Variants in OGA observed in about 807,000 individuals in gnomAD.
OGA encodes the protein O-GlcNAcase, also known as protein O-GlcNAcase.
In OGA, 21 loss-of-function variants were observed where a neutral mutation model predicts 102.0. The ratio of observed to expected loss-of-function variants is 0.21; its 90% CI spans 0.15 to 0.30. The LOEUF is 0.30. Among genes scored for constraint, OGA ranks in the 10% least tolerant of loss-of-function variants. The pLI is 1.00. For missense variants in OGA, 765 were observed against 1,107.8 expected (o/e 0.69, Z 4.39); for synonymous variants, 408 against 378.2 (o/e 1.08, Z -0.91).
In OGA at chr10:101,807,912, A is replaced by G. The variant is rs761401912; in HGVS notation, c.481-11T>C. 7 of 1,466,256 alleles carry G rather than the reference A, an allele frequency of 4.8e-6. No homozygotes were observed. The highest frequency in any genetic ancestry group is 6.3e-6 in the Non-Finnish European group (7 of 1,103,874). The allele number at this position is 1,466,256 out of a possible 1,614,324, so 90.8% of individuals were successfully genotyped here. On this transcript the variant is annotated splice_polypyrimidine_tract_variant and intron_variant, in intron 4 of 15. Coordinates refer to ENST00000361464, the MANE Select transcript of OGA (RefSeq NM_012215.5). ...CCCAAACTGAGAAACCTAGGAGAAAAAAAAAAAAAAGAATCAAGAGTAAAA... is the reference window on the plus strand; with the variant it reads ...CCCAAACTGAGAAACCTAGGAGAAAGAAAAAAAAAAGAATCAAGAGTAAAA...
intron 5 of OGA, 66 bp from the exon 6 acceptor site, chr10:101,806,209 T>C (rs1051611993): frequency 8.7e-6 from 9 of 1,031,580 alleles, no homozygotes; most frequent in African/African-American, 3.2e-5. Flanking sequence ...CTTTGTTTGT[T>C]TGTTTTCTTT....
intron 2 of OGA, 99 bp from the exon 3 acceptor site, chr10:101,813,226 G>T: frequency 1.2e-6 from 1 of 805,892 alleles, no homozygotes; most frequent in Non-Finnish European, 2.1e-6. Context: ...CTCATACAAA[G>T]CTAATATTCT....
At chr10:101,790,589 T>C (rs926009066) in intron 14 of OGA, among the ~76,000 whole-genome samples, 2 of 152,202 alleles carry the variant, frequency 1.3e-5, no homozygotes, top group African/African-American at 4.8e-5. Context: ...GACCATAACA[T>C]CTTTAAGTAT....
In OGA at chr10:101,792,602, A is replaced by G. The variant is rs539538034; in HGVS notation, c.2175+237T>C. ...ACACATTAACTATTTTGTAACTCCA[A>G]CTCTGAATACATTTCATCTGACTTT... is the stretch of plus-strand genomic sequence containing the variant. On this transcript the variant is annotated intron_variant, in intron 12 of 15. Transcript: ENST00000361464. 96 of 426,452 alleles carry G rather than the reference A, an allele frequency of 2.3e-4. 2 individuals are homozygous for G. In the South Asian group the frequency reaches 4.1e-3, roughly 18 times the overall value. The allele number at this position is 426,452 out of a possible 1,614,324, so 26.4% of individuals were successfully genotyped here. A position where few individuals can be genotyped will look rare whatever the true frequency, so the allele number is the denominator to read the frequency against.
At chr10:101,794,438 A>G (rs1315849676) in intron 10 of OGA, among the ~76,000 whole-genome samples, 2 of 152,228 alleles carry the variant, frequency 1.3e-5, no homozygotes, top group African/African-American at 2.4e-5. Context: ...GGAAGGGTAC[A>G]GGTAAGGGAA....
rs1183375984 is a variant in OGA at position 101,792,556 on chromosome 10, T to C, written c.2175+283A>G. ...ACCAATATATTAGAGATAATTAGTC[T>C]AAGGACAACACATCATTTAGACACA... On this transcript the variant is annotated intron_variant, in intron 12 of 15. Transcript: ENST00000361464. The C allele has an allele frequency of 1.4e-5, 4 of 289,822 alleles. No homozygotes were observed. In the East Asian group the frequency reaches 2.6e-4, roughly 19 times the overall value. The allele number at this position is 289,822 out of a possible 1,614,324, so 18.0% of individuals were successfully genotyped here.
intron 7 of OGA, among the ~76,000 whole-genome samples, chr10:101,802,975 C>CT (rs1242092427): frequency 2.5e-4 from 27 of 106,590 alleles, no homozygotes; most frequent in Admixed American, 8.0e-4. Context: ...CCTGTCTCTA[C>CT]TTTAAAAAAA....
chr10:101,800,503 G>C (rs922243156), intron 7 of OGA, 103 bp from the exon 8 acceptor site: 1 of 841,464 alleles, frequency 1.2e-6, no homozygotes, highest in Non-Finnish European at 1.8e-6. Flanking sequence ...TATAACCACA[G>C]AAACAAAGAA....
At chr10:101,807,182 AG>A (rs34724867) in intron 5 of OGA, among the ~76,000 whole-genome samples, 1 of 152,216 alleles carries the variant, frequency 6.6e-6, no homozygotes, top group Non-Finnish European at 1.5e-5. Context: ...TTCCTGAACA[AG>A]GAAGTGTGGG....
rs780367936 is a variant in OGA at position 101,791,433 on chromosome 10, C to T, written c.2182G>A (p.Val728Met). ...TACATTTCTCTGCAAATCTTGTACA[C>T]GGATGCCTGAAAATATAATCTAGTT... ...RPYFPKDEAS[V>M]YKICREMYDD... is the part of the protein sequence containing the mutation. Residue 728 changes from valine (V) to methionine (M), a missense_variant, in exon 13 of 16, where the codon GTG (valine) becomes ATG (methionine). This residue lies in a region of OGA where 146 missense variants were observed against 269.7 expected (regional missense o/e 0.54). Coordinates refer to ENST00000361464, the MANE Select transcript of OGA (RefSeq NM_012215.5). 7 of 1,613,224 alleles carry T rather than the reference C, an allele frequency of 4.3e-6. No individual in the cohort carries two copies. The highest frequency in any genetic ancestry group is 5.9e-6 in the Non-Finnish European group (7 of 1,179,462).
At chr10:101,816,774 C>G (rs1314330316) in intron 1 of OGA, among the ~76,000 whole-genome samples, 2 of 152,068 alleles carry the variant, frequency 1.3e-5, no homozygotes, top group Admixed American at 1.3e-4. Context: ...ACCATAACCA[C>G]CACCCATTTT....
chr10:101,786,913 G>A (rs1341598559), intron 15 of OGA, among the ~76,000 whole-genome samples: 3 of 152,162 alleles, frequency 2.0e-5, no homozygotes, highest in Admixed American at 2.0e-4. Flanking sequence ...GATTACAGGC[G>A]CCTGCCACCA....
chr10:101,786,749 CAAT>C lies in OGA; in HGVS notation c.2615-165_2615-163del, dbSNP rs533060536. 2.0e-3 allele frequency among the ~76,000 whole-genome samples: 309 copies of C among 152,364 alleles called. 4 individuals are homozygous for C. Among genetic ancestry groups the C allele is most frequent in the African/African-American group, 7.2e-3 (298 of 41,580 alleles). ...TAAAAAAATTCATATTCAAAAAATTCAATAATGAGTGGCGTGAGCCACTGCACC... is the reference window on the plus strand; with the variant it reads ...TAAAAAAATTCATATTCAAAAAATTCAATGAGTGGCGTGAGCCACTGCACC... On this transcript the variant is annotated intron_variant, in intron 15 of 15. Transcript: ENST00000361464.
intron 3 of OGA, among the ~76,000 whole-genome samples, chr10:101,811,983 TA>T (rs2065564587): frequency 6.6e-6 from 1 of 152,196 alleles, no homozygotes; most frequent in South Asian, 2.1e-4. Context: ...CACACTTAAA[TA>T]GAGTAGTAAA....
Position 101,792,914 on chromosome 10 carries a change from ATCATTTGC to A in OGA, c.2092_2099del (p.Ala698SerfsTer23). On this transcript the variant is annotated frameshift_variant, in exon 12 of 16. Transcript: ENST00000361464. LOFTEE classifies it high-confidence loss of function. Reference sequence around the variant, plus strand: ...TCAGTGGAGGTGGCTGAAAAAAGAGATCATTTGCCCCATCAATTGGCAGCAAACGCTGT... The same window carrying A: ...TCAGTGGAGGTGGCTGAAAAAAGAGACCCATCAATTGGCAGCAAACGCTGT... The A allele has an allele frequency of 6.2e-7, 1 of 1,613,902 alleles. No individual in the cohort carries two copies. The highest frequency in any genetic ancestry group is 8.5e-7 in the Non-Finnish European group (1 of 1,179,788).
intron 4 of OGA, 136 bp downstream of exon 4, chr10:101,810,048 A>G (rs1370840813): frequency 2.0e-6 from 2 of 993,832 alleles, no homozygotes; most frequent in African/African-American, 3.3e-5. Flanking sequence ...TCTGTCTCAA[A>G]AAACAAAACA....
chr10:101,809,066 G>A (rs1257013638), intron 4 of OGA, among the ~76,000 whole-genome samples: 1 of 152,104 alleles, frequency 6.6e-6, no homozygotes, highest in Non-Finnish European at 1.5e-5. Flanking sequence ...GGTTCACCTA[G>A]TCTGTTTTTC....
intron 1 of OGA, among the ~76,000 whole-genome samples, chr10:101,814,223 G>C (rs67782181): frequency 0.067 from 10,255 of 152,106 alleles, 467 homozygotes; most frequent in Non-Finnish European, 0.11. Context: ...CAGCTATTTG[G>C]GAGGCTGAGA....
Position 101,798,096 on chromosome 10 carries a change from C to T in OGA, c.1868G>A (p.Gly623Glu). Residue 623 changes from glycine (G) to glutamate (E), a missense_variant, in exon 10 of 16, where the codon GGA (glycine) becomes GAA (glutamate). Transcript: ENST00000361464. ...KFEEMCGLVM[G>E]MFTRLSNCAN... ...ACAATTGGAGAGCCGAGTGAACATT[C>T]CCATCACTAGTCCACACATCTCTTC... 1.2e-6 allele frequency: 2 copies of T among 1,614,110 alleles called. No individual in the cohort carries two copies. Among genetic ancestry groups the T allele is most frequent in the Non-Finnish European group, 1.7e-6 (2 of 1,179,978 alleles).
Sources: allele counts gnomAD v4.1 joint callset (sites outside exome capture counted in the v4.1 genomes callset), GRCh38; gene constraint gnomAD v4.1.1; regional missense constraint gnomAD v4.1.1; transcripts MANE v1.5; gene names NCBI Gene and HGNC (gene_info 2026-07-23, HGNC 2026-07-21).